GREM2: variants seen among roughly 807,000 people sequenced by gnomAD.
GREM2 encodes gremlin-2.
Under a neutral mutation model 14.2 loss-of-function variants are expected in GREM2, and 11 were observed. The ratio of observed to expected loss-of-function variants is 0.78; its 90% CI spans 0.49 to 1.28. The LOEUF (loss-of-function observed/expected upper bound fraction) is 1.28. Ranked by LOEUF, GREM2 falls within the 50% of genes most tolerant of loss-of-function variation. The pLI is 0.00. For synonymous variants in GREM2, 98 were observed against 97.6 expected (o/e 1.00, Z -0.02); for missense variants, 210 against 218.5 (o/e 0.96, Z 0.24).
At chr1:240,602,064 G>A (rs560529899) in intron 1 of GREM2, among the ~76,000 whole-genome samples, 13 of 152,254 alleles carry the variant, frequency 8.5e-5, no homozygotes, top group African/African-American at 3.1e-4. Flanking sequence ...TGGATATGAA[G>A]GATACACTTG....
intron 1 of GREM2, among the ~76,000 whole-genome samples, chr1:240,593,424 T>C (rs1679749533): frequency 6.6e-6 from 1 of 151,750 alleles, no homozygotes; most frequent in African/African-American, 2.4e-5. Flanking sequence ...CCACCAGTTA[T>C]GAGTTGGGAG....
At chr1:240,602,074 G>A (rs72752881) in intron 1 of GREM2, among the ~76,000 whole-genome samples, 16,035 of 152,092 alleles carry the variant, frequency 0.11, 954 homozygotes, top group Middle Eastern at 0.16. Context: ...GGATACACTT[G>A]TAGGAATATC....
intron 1 of GREM2, among the ~76,000 whole-genome samples, chr1:240,505,235 T>C (rs1384318420): frequency 6.6e-6 from 1 of 152,202 alleles, no homozygotes; most frequent in African/African-American, 2.4e-5. Flanking sequence ...ACCAACATCA[T>C]GCGTCCTGTG....
chr1:240,521,463 C>G (rs1241529633), intron 1 of GREM2, among the ~76,000 whole-genome samples: 3 of 151,368 alleles, frequency 2.0e-5, no homozygotes, highest in African/African-American at 4.9e-5. Flanking sequence ...CCCAGCTACT[C>G]GAGAGGCTGA....
At chr1:240,505,983 T>TA (rs961418929) in intron 1 of GREM2, among the ~76,000 whole-genome samples, 5 of 151,864 alleles carry the variant, frequency 3.3e-5, no homozygotes, top group Non-Finnish European at 7.4e-5. Context: ...ACCATTTTTT[T>TA]AAAAAAAAGA....
intron 1 of GREM2, among the ~76,000 whole-genome samples, chr1:240,556,710 G>A (rs116435527): frequency 0.02 from 3,117 of 152,124 alleles, 35 homozygotes; most frequent in Non-Finnish European, 0.03. Context: ...ACAGCGCTTT[G>A]AAATTAAAAA....
chr1:240,534,583 T>G (rs1346075046), intron 1 of GREM2, among the ~76,000 whole-genome samples: 1 of 151,318 alleles, frequency 6.6e-6, no homozygotes, highest in Non-Finnish European at 1.5e-5. Context: ...TCCCAGCTAC[T>G]CCGGGAGGCT....
chr1:240,559,889 G>T (rs1207046473), intron 1 of GREM2, among the ~76,000 whole-genome samples: 1 of 152,070 alleles, frequency 6.6e-6, no homozygotes, highest in East Asian at 1.9e-4. Flanking sequence ...GTGGTGCCTC[G>T]ATATGTTCAA....
chr1:240,522,138 A>AAAAAC (rs1558148106), intron 1 of GREM2, among the ~76,000 whole-genome samples: 10 of 150,758 alleles, frequency 6.6e-5, no homozygotes, highest in African/African-American at 2.5e-4. Context: ...AAAAAAAACA[A>AAAAAC]AAACAAACAA....
At position 240,572,311 on chromosome 1, in the gene GREM2, T is replaced by C. The variant is rs549500555; in HGVS notation, c.-2+39573A>G. Among the ~76,000 whole-genome samples the C allele has an allele frequency of 3.3e-5, 5 of 152,324 alleles. No homozygotes were observed. In the South Asian group the frequency reaches 1.0e-3, roughly 32 times the overall value. The stretch of plus-strand genomic sequence containing the variant: ...GAATCAAATTTAATCCACTGGTGTG[T>C]TCCCTTCATTTTAATCACCTCTAAA... On this transcript the variant is annotated intron_variant, in intron 1 of 1. Transcript: ENST00000318160.
At chr1:240,495,319 C>T (rs1677384159) in intron 1 of GREM2, among the ~76,000 whole-genome samples, 1 of 151,934 alleles carries the variant, frequency 6.6e-6, no homozygotes, top group Admixed American at 6.6e-5. Context: ...ACATGTATAC[C>T]CTAAAATGGA....
chr1:240,493,024 T>G lies in GREM2; in HGVS notation c.452A>C (p.Lys151Thr), dbSNP rs1406334546. The change falls in exon 2 of 2, where the codon AAG becomes ACG. Residue 151 changes from lysine to threonine, a missense_variant. Lys to Thr is a moderately conservative substitution (Grantham distance 78). Transcript: ENST00000318160. ...GGACATGCACCGGCACTGCTTCACC[T>G]TCTGGATTTTCTTGAGTCGGAAGGG... Reference protein sequence around the residue: ...DPPFRLKKIQKVKQCRCMSVN... With the variant: ...DPPFRLKKIQTVKQCRCMSVN... The G allele has an allele frequency of 3.1e-6, 5 of 1,595,864 alleles. No homozygotes were observed. The highest frequency in any genetic ancestry group is 4.3e-6 in the Non-Finnish European group (5 of 1,167,656).
chr1:240,525,941 C>A (rs561035423), intron 1 of GREM2, among the ~76,000 whole-genome samples: 7 of 152,208 alleles, frequency 4.6e-5, no homozygotes, highest in African/African-American at 1.4e-4. Flanking sequence ...TTGATTGGCT[C>A]CCGGTATTAT....
intron 1 of GREM2, among the ~76,000 whole-genome samples, chr1:240,593,951 A>ATTTG (rs1347714954): frequency 6.6e-6 from 1 of 151,406 alleles, no homozygotes; most frequent in East Asian, 2.0e-4. Context: ...GGTCATCTTA[A>ATTTG]TTTGTTTGTT....
chr1:240,496,821 C>T (rs1677429796), intron 1 of GREM2, among the ~76,000 whole-genome samples: 1 of 152,012 alleles, frequency 6.6e-6, no homozygotes, highest in African/African-American at 2.4e-5. Context: ...ACCAGCCTGG[C>T]CAAAATGGTG....
chr1:240,556,236 G>C (rs534458601), intron 1 of GREM2, among the ~76,000 whole-genome samples: 1 of 152,312 alleles, frequency 6.6e-6, no homozygotes, highest in Non-Finnish European at 1.5e-5. Context: ...TGTTCGAAGA[G>C]TGAAATCCCC....
chr1:240,520,546 C>G (rs1678060561), intron 1 of GREM2, among the ~76,000 whole-genome samples: 1 of 151,894 alleles, frequency 6.6e-6, no homozygotes. Flanking sequence ...AGTGCAGAAA[C>G]TTTTTCTTTT....
intron 1 of GREM2, among the ~76,000 whole-genome samples, chr1:240,496,154 C>T (rs12094884): frequency 0.034 from 5,135 of 152,160 alleles, 313 homozygotes; most frequent in African/African-American, 0.12. Context: ...CCAGGCTGGT[C>T]TCGAACTCCT....
rs756371013 is a variant in GREM2 at position 240,491,454 on chromosome 1, CAGA to C, written c.*1512_*1514del. ...CCTGGGGCAACTGAGCAAAGGAGCC[CAGA>C]AGAAGTATATAATTTCGCTGGAAAA... On this transcript the variant is annotated 3_prime_UTR_variant, in exon 2 of 2. Coordinates refer to ENST00000318160, the MANE Select transcript of GREM2 (RefSeq NM_022469.4). The C allele has an allele frequency of 6.6e-6, 1 of 152,566 alleles. No homozygotes were observed. The highest frequency in any genetic ancestry group is 6.5e-5 in the Admixed American group (1 of 15,272). 9.5% of individuals were successfully genotyped at this position (152,566 alleles called of 1,614,324 possible).
Sources: gnomAD v4.1 joint callset for allele counts (sites outside exome capture counted in the v4.1 genomes callset) on GRCh38, gnomAD v4.1.1 for gene constraint, MANE v1.5 for transcripts, NCBI Gene and HGNC (gene_info 2026-07-23, HGNC 2026-07-21) for gene names.